Variants in ARID1A observed in about 807,000 individuals in gnomAD.
ARID1A encodes the protein AT-rich interactive domain-containing protein 1A.
ARID1A carries 20 observed loss-of-function variants against 212.6 expected under a neutral mutation model. The observed-to-expected ratio is 0.09, with a 90% CI of 0.07 to 0.14. The LOEUF (loss-of-function observed/expected upper bound fraction) is 0.14. Among genes scored for constraint, ARID1A ranks in the 10% least tolerant of loss-of-function variants. The pLI is 1.00. For synonymous variants in ARID1A, 1,376 were observed against 1,222.1 expected, an observed-to-expected ratio of 1.13 and a Z score of -2.63; for missense variants, 2,587 against 3,059.0, an observed-to-expected ratio of 0.85 and a Z score of 3.64.
At position 26,696,783 on chromosome 1, in the gene ARID1A, G is replaced by A. The variant is rs2124741608; in HGVS notation, c.380G>A (p.Gly127Asp). Residue 127 changes from glycine to aspartate, a missense_variant, in exon 1 of 20, where the codon GGC becomes GAC. Around this residue, in one of 11 missense-constraint regions of ARID1A, gnomAD observed 735 missense variants for 590.6 expected, o/e 1.24. Coordinates refer to ENST00000324856, the MANE Select transcript of ARID1A (RefSeq NM_006015.6). ...GAGCCGCCCGGCGGCGGCGGTGGCGGCAGCAGCGATGGGGTGGGGGCGCCT... is the reference window on the plus strand; with the variant it reads ...GAGCCGCCCGGCGGCGGCGGTGGCGACAGCAGCGATGGGGTGGGGGCGCCT... ...LTEPPGGGGG[G>D]SSDGVGAPPH... 2.2e-6 allele frequency: 3 copies of A among 1,338,942 alleles called. No homozygotes were observed. Among genetic ancestry groups the A allele is most frequent in the South Asian group, 2.1e-5 (1 of 48,054 alleles). 82.9% of individuals were successfully genotyped at this position (1,338,942 alleles called of 1,614,324 possible).
chr1:26,766,314 C>T lies in ARID1A; in HGVS notation c.2826C>T (p.Asn942=), dbSNP rs2081038972. The T allele has an allele frequency of 6.2e-7, 1 of 1,614,212 alleles. No individual in the cohort carries two copies. The highest frequency in any genetic ancestry group is 1.1e-5 in the South Asian group (1 of 91,086). Residue 942 remains asparagine (N), a synonymous_variant, in exon 9 of 20, where the codon AAC becomes AAT. Coordinates refer to ENST00000324856, the MANE Select transcript of ARID1A (RefSeq NM_006015.6). ...TTAATAGTATGGCTGGCATGATCAA[C>T]CCTCAGGGACCCCCATATTCCATGG... ...QGINSMAGMI[N]PQGPPYSMGG...
rs756115672 is a variant in ARID1A at position 26,774,874 on chromosome 1, C to A, written c.4647C>A (p.Gly1549=). Residue 1549 remains glycine (G), a synonymous_variant, in exon 18 of 20, where the codon GGC becomes GGA. Transcript: ENST00000324856. This position sits in a 1 kb window ranked among gnomAD's most constrained non-coding sequence, Gnocchi z 5.6. ...ACGAAGGCTCGTGGCCTTCCCATGGCACACGCCAGCCCCCATATGGTCCCT... is the reference window on the plus strand; with the variant it reads ...ACGAAGGCTCGTGGCCTTCCCATGGAACACGCCAGCCCCCATATGGTCCCT... ...ANHEGSWPSH[G]TRQPPYGPSA... is the part of the protein sequence containing the mutation. 7 of 1,595,870 alleles carry A rather than the reference C, an allele frequency of 4.4e-6. No homozygotes were observed. Among genetic ancestry groups the A allele is most frequent in the Non-Finnish European group, 6.0e-6 (7 of 1,169,604 alleles).
Position 26,731,270 on chromosome 1 carries a change from C to T in ARID1A, c.1469C>T (p.Pro490Leu), listed in dbSNP as rs781266953. ...QQQPPYSQQP[P>L]SQTPHAQPSY... is the part of the protein sequence containing the mutation. Reference sequence around the variant, plus strand: ...CAGCCACCCTACTCCCAGCAACCACCGTCCCAGACCCCTCATGCCCAACCT... The same window carrying T: ...CAGCCACCCTACTCCCAGCAACCACTGTCCCAGACCCCTCATGCCCAACCT... The change falls in exon 3 of 20, where the codon CCG becomes CTG. Residue 490 changes from proline (P) to leucine (L), a missense_variant. This residue lies in a region of ARID1A where 674 missense variants were observed against 813.4 expected (regional missense o/e 0.83). Transcript: ENST00000324856. The T allele has an allele frequency of 3.6e-5, 58 of 1,613,890 alleles. No individual in the cohort carries two copies. Among genetic ancestry groups the T allele is most frequent in the Non-Finnish European group, 4.4e-5 (52 of 1,180,008 alleles).
At chr1:26,707,640 G>C (rs1232968509) in intron 1 of ARID1A, among the ~76,000 whole-genome samples, 1 of 152,140 alleles carries the variant, frequency 6.6e-6, no homozygotes, top group Non-Finnish European at 1.5e-5. Context: ...ACTGTGCCTG[G>C]CAAGGATCCT....
At chr1:26,705,651 C>A (rs963249339) in intron 1 of ARID1A, among the ~76,000 whole-genome samples, 4 of 152,204 alleles carry the variant, frequency 2.6e-5, no homozygotes, top group Non-Finnish European at 5.9e-5. Context: ...GAACTCTGAT[C>A]ATTCCCAGGT....
chr1:26,698,495 A>G (rs574885488), intron 1 of ARID1A, among the ~76,000 whole-genome samples: 1 of 152,350 alleles, frequency 6.6e-6, no homozygotes, highest in Non-Finnish European at 1.5e-5. Flanking sequence ...CAGCAAGAGC[A>G]AAGCCTCAGA....
Position 26,697,238 on chromosome 1 carries a change from C to T in ARID1A, c.835C>T (p.Pro279Ser), listed in dbSNP as rs1308723038. ...QRFGAMGGGGPSAAGGGTPQP... is the reference protein window; with the variant it reads ...QRFGAMGGGGSSAAGGGTPQP... ...CTTCGGGGCCATGGGGGGAGGCGGC[C>T]CCTCCGCGGCCGGCGGGGGAACTCC... The change falls in exon 1 of 20, where the codon CCC (proline) becomes TCC (serine). Residue 279 changes from proline to serine, a missense_variant. Physicochemically the swap from Pro to Ser is moderately conservative, Grantham distance 74. This residue lies in a region of ARID1A where 735 missense variants were observed against 590.6 expected (regional missense o/e 1.24). Coordinates refer to ENST00000324856, the MANE Select transcript of ARID1A (RefSeq NM_006015.6). 1 of 1,373,050 alleles carries T rather than the reference C, an allele frequency of 7.3e-7. No homozygotes were observed. The highest frequency in any genetic ancestry group is 9.3e-7 in the Non-Finnish European group (1 of 1,070,204). 85.1% of individuals were successfully genotyped at this position (1,373,050 alleles called of 1,614,324 possible).
rs71007893 is a variant in ARID1A, at chr1:26,781,159, T to TAA, written c.*420_*421dup. On this transcript the variant is annotated 3_prime_UTR_variant, in exon 20 of 20. Coordinates refer to ENST00000324856, the MANE Select transcript of ARID1A (RefSeq NM_006015.6). ...CACATTTCATAACTGTTTTTAATGG[T>TAA]AAAAAAAAAAAAAAAAAATACAAAA... 0.048 allele frequency: 9,238 copies of TAA among 194,104 alleles called. 272 individuals carry two copies. Among genetic ancestry groups the TAA allele is most frequent in the Non-Finnish European group, 0.063 (6,469 of 102,948 alleles). The allele number at this position is 194,104 out of a possible 1,614,324, so 12.0% of individuals were successfully genotyped here. A position where few individuals can be genotyped will look rare whatever the true frequency, so the allele number is the denominator to read the frequency against.
chr1:26,748,313 T>A (rs1180653468), intron 4 of ARID1A, among the ~76,000 whole-genome samples: 1 of 152,116 alleles, frequency 6.6e-6, no homozygotes, highest in Non-Finnish European at 1.5e-5. Flanking sequence ...TTATTACACT[T>A]CTCATACCCA....
chr1:26,767,805 A>T lies in ARID1A; in HGVS notation c.3004A>T (p.Thr1002Ser), dbSNP rs2124085994. 1 of 1,613,638 alleles carries T rather than the reference A, an allele frequency of 6.2e-7. No homozygotes were observed. The highest frequency in any genetic ancestry group is 8.5e-7 in the Non-Finnish European group (1 of 1,179,718). The change falls in exon 11 of 20, where the codon ACT becomes TCT. Residue 1002 changes from threonine to serine, a missense_variant. Thr to Ser is a moderately conservative substitution (Grantham distance 58). This residue lies in a region of ARID1A where 674 missense variants were observed against 813.4 expected (regional missense o/e 0.83). Coordinates refer to ENST00000324856, the MANE Select transcript of ARID1A (RefSeq NM_006015.6). ...ESKSKKSSSSTTTNEKITKLY... is the reference protein window; with the variant it reads ...ESKSKKSSSSSTTNEKITKLY... ...AACCTTCCAGAAATCCAGTTCTTCT[A>T]CTACAACCAATGAGAAGATCACCAA...
intron 4 of ARID1A, among the ~76,000 whole-genome samples, chr1:26,743,606 C>T (rs2080808683): frequency 6.6e-6 from 1 of 151,532 alleles, no homozygotes; most frequent in Admixed American, 6.6e-5. Context: ...GAGGCTGAGG[C>T]GGGTCATCAT....
chr1:26,715,937 T>C (rs2080498377), intron 1 of ARID1A, among the ~76,000 whole-genome samples: 1 of 151,900 alleles, frequency 6.6e-6, no homozygotes, highest in African/African-American at 2.4e-5. Context: ...CTGGGCGCGG[T>C]GGCTCACGCC....
chr1:26,753,382 G>A (rs552407940), intron 4 of ARID1A: 14 of 152,288 alleles, frequency 9.2e-5, no homozygotes, highest in East Asian at 1.9e-4. Flanking sequence ...CAGCTGGGAC[G>A]GTTATCGTCA....
rs1463539566 is a variant in ARID1A at position 26,766,366 on chromosome 1, G to A, written c.2878G>A (p.Gly960Arg). 1.9e-6 allele frequency: 3 copies of A among 1,614,042 alleles called. No homozygotes were observed. In the Admixed American group the frequency reaches 5.0e-5, roughly 27 times the overall value. Residue 960 changes from glycine to arginine, a missense_variant and splice_region_variant, in exon 9 of 20, where the codon GGG (glycine) becomes AGG (arginine). Physicochemically the swap from Gly to Arg is moderately radical, Grantham distance 125 (BLOSUM62 -2). Transcript: ENST00000324856. ...MGGTMANNSA[G>R]MAASPEMMGL... ...TGGAACCATGGCCAACAATTCTGCA[G>A]GTAAGTGCTAGTCATTCTCACTAGG...
intron 4 of ARID1A, among the ~76,000 whole-genome samples, chr1:26,755,822 CA>C (rs1404190165): frequency 6.6e-6 from 1 of 151,680 alleles, no homozygotes; most frequent in Non-Finnish European, 1.5e-5. Flanking sequence ...CGGCTCACTG[CA>C]ACCTCCGCCT....
intron 4 of ARID1A, among the ~76,000 whole-genome samples, chr1:26,760,333 A>T (rs1297035976): frequency 6.6e-6 from 1 of 152,228 alleles, no homozygotes; most frequent in Non-Finnish European, 1.5e-5. Flanking sequence ...TTTATGGCCC[A>T]CAAAGGTCTA....
chr1:26,703,978 AC>A (rs745657336), intron 1 of ARID1A, among the ~76,000 whole-genome samples: 15 of 152,228 alleles, frequency 9.9e-5, no homozygotes, highest in Non-Finnish European at 1.6e-4. Context: ...GGCAGGGTTA[AC>A]CTGGGACAGC....
At chr1:26,758,028 C>G (rs2080958090) in intron 4 of ARID1A, among the ~76,000 whole-genome samples, 1 of 152,202 alleles carries the variant, frequency 6.6e-6, no homozygotes. Context: ...AAATACACTT[C>G]TTTTTCCTGT....
At position 26,771,438 on chromosome 1, in the gene ARID1A, T is replaced by C; in HGVS notation, c.3406+112T>C. The stretch of plus-strand genomic sequence containing the variant: ...AACAGGATATGCCAAGGATCTGTGC[T>C]CTGCCTTGCCCTACCACAGGGCTTA... On this transcript the variant is annotated intron_variant, in intron 12 of 19. Transcript: ENST00000324856. This position sits in a 1 kb window ranked among gnomAD's most constrained non-coding sequence, Gnocchi z 5.4. The C allele has an allele frequency of 8.2e-7, 1 of 1,219,812 alleles. No individual in the cohort carries two copies. Among genetic ancestry groups the C allele is most frequent in the Non-Finnish European group, 1.1e-6 (1 of 871,228 alleles). The allele number at this position is 1,219,812 out of a possible 1,614,324, so 75.6% of individuals were successfully genotyped here. A position where few individuals can be genotyped will look rare whatever the true frequency, so the allele number is the denominator to read the frequency against.
Sources: allele counts gnomAD v4.1 joint callset (sites outside exome capture counted in the v4.1 genomes callset), GRCh38; gene constraint gnomAD v4.1.1; regional missense constraint gnomAD v4.1.1; non-coding constraint Gnocchi (gnomAD v3.1); transcripts MANE v1.5; gene names NCBI Gene and HGNC (gene_info 2026-07-23, HGNC 2026-07-21).